Variants in FAM53B observed in about 807,000 individuals in gnomAD.
FAM53B encodes protein FAM53B.
Under a neutral mutation model 32.7 loss-of-function variants are expected in FAM53B, and 12 were observed. The observed-to-expected ratio is 0.37, with a 90% CI of 0.24 to 0.59. The LOEUF is 0.59. FAM53B is among the 20% of genes least tolerant of loss of function. The probability of loss-of-function intolerance (pLI) is 0.72; values close to 1 mark genes in which losing one functional copy is unlikely to be tolerated. For synonymous variants in FAM53B, 234 were observed against 228.7 expected (o/e 1.02, Z -0.21); for missense variants, 477 against 577.7 (o/e 0.83, Z 1.79).
chr10:124,714,493 G>A (rs1158854948), intron 1 of FAM53B, among the ~76,000 whole-genome samples: 1 of 152,166 alleles, frequency 6.6e-6, no homozygotes, highest in Non-Finnish European at 1.5e-5. Context: ...GGGCGTGGTG[G>A]CTCACGCCTG....
chr10:124,740,432 A>G (rs1028893709), intron 1 of FAM53B, among the ~76,000 whole-genome samples: 2 of 152,220 alleles, frequency 1.3e-5, no homozygotes, highest in Non-Finnish European at 2.9e-5. Flanking sequence ...GTCATTAATC[A>G]TGTTAATGTA....
At chr10:124,641,213 C>T (rs1007455806) in intron 4 of FAM53B, among the ~76,000 whole-genome samples, 2 of 152,228 alleles carry the variant, frequency 1.3e-5, no homozygotes, top group Non-Finnish European at 2.9e-5. Flanking sequence ...ACACATACCT[C>T]TTCCTCGATA....
chr10:124,674,943 G>C (rs531649174), intron 4 of FAM53B, among the ~76,000 whole-genome samples: 1 of 152,352 alleles, frequency 6.6e-6, no homozygotes, highest in Admixed American at 6.5e-5. Context: ...CTACTTCAGA[G>C]AGCCGGGGCC....
At chr10:124,706,379 G>A (rs148500824) in intron 2 of FAM53B, among the ~76,000 whole-genome samples, 96 of 152,314 alleles carry the variant, frequency 6.3e-4, no homozygotes, top group African/African-American at 2.2e-3. Context: ...CACACTTGCT[G>A]TTATTTACCA....
At chr10:124,669,581 G>A (rs1364588717) in intron 4 of FAM53B, among the ~76,000 whole-genome samples, 1 of 152,190 alleles carries the variant, frequency 6.6e-6, no homozygotes, top group East Asian at 1.9e-4. Context: ...TGGGCCAAAG[G>A]CTGGGAGCAG....
intron 2 of FAM53B, among the ~76,000 whole-genome samples, chr10:124,701,758 G>A (rs1286108814): frequency 1.3e-5 from 2 of 150,178 alleles, no homozygotes; most frequent in Non-Finnish European, 3.0e-5. Flanking sequence ...CGAAGCCAGG[G>A]CCATGGGCAC....
intron 2 of FAM53B, among the ~76,000 whole-genome samples, chr10:124,700,636 G>A (rs538171586): frequency 6.6e-6 from 1 of 152,308 alleles, no homozygotes; most frequent in Non-Finnish European, 1.5e-5. Context: ...TCAAATGGAG[G>A]CTTCAGGGCC....
chr10:124,620,985 C>A lies in FAM53B; in HGVS notation c.*2257G>T, dbSNP rs1024568914. The A allele has an allele frequency of 1.3e-5, 2 of 152,176 alleles. No individual in the cohort carries two copies. Among genetic ancestry groups the A allele is most frequent in the African/African-American group, 4.8e-5 (2 of 41,432 alleles). The allele number at this position is 152,176 out of a possible 1,614,324, so 9.4% of individuals were successfully genotyped here. A position where few individuals can be genotyped will look rare whatever the true frequency, so the allele number is the denominator to read the frequency against. ...CTCCACAGCTTGTCCCTTCCTGCCA[C>A]CAGGCCTGAATGGGGAGGTGGCAGG... On this transcript the variant is annotated 3_prime_UTR_variant, in exon 5 of 5. Transcript: ENST00000337318.
chr10:124,667,389 T>C (rs1169062661), intron 4 of FAM53B: 1 of 769,118 alleles, frequency 1.3e-6, no homozygotes, highest in East Asian at 2.4e-5. Flanking sequence ...GCCTGTAAAA[T>C]GGATAACGAT....
intron 3 of FAM53B, among the ~76,000 whole-genome samples, chr10:124,693,040 T>C (rs1428433257): frequency 6.6e-6 from 1 of 152,160 alleles, no homozygotes; most frequent in Non-Finnish European, 1.5e-5. Flanking sequence ...GTCCTTTATC[T>C]TCAGGAGACA....
chr10:124,626,423 G>C (rs1045769491), intron 4 of FAM53B, among the ~76,000 whole-genome samples: 3 of 143,490 alleles, frequency 2.1e-5, no homozygotes, highest in African/African-American at 7.7e-5. Flanking sequence ...AGTGCAAAAG[G>C]TGGGGCCTCT....
At chr10:124,741,822 T>G (rs368947140) in intron 1 of FAM53B, among the ~76,000 whole-genome samples, 3 of 152,214 alleles carry the variant, frequency 2.0e-5, no homozygotes, top group East Asian at 3.8e-4. Context: ...AAATGCTATG[T>G]GCAACATACC....
chr10:124,732,915 T>C lies in FAM53B; in HGVS notation c.-175+11098A>G, dbSNP rs953990701. On this transcript the variant is annotated intron_variant, in intron 1 of 4. Transcript: ENST00000337318. ...ATCACGTACTCTCCTGAGCCCAAGGTGTCTGATCTCCTCTCTGCTCCTACT... is the reference window on the plus strand; with the variant it reads ...ATCACGTACTCTCCTGAGCCCAAGGCGTCTGATCTCCTCTCTGCTCCTACT... Among the ~76,000 whole-genome samples, 6 of 152,184 alleles carry C rather than the reference T, an allele frequency of 3.9e-5. 1 individual carries two copies. In the South Asian group the frequency reaches 1.0e-3, roughly 26 times the overall value.
chr10:124,728,864 A>T (rs1026343069), intron 1 of FAM53B, among the ~76,000 whole-genome samples: 13 of 152,220 alleles, frequency 8.5e-5, no homozygotes, highest in African/African-American at 2.9e-4. Flanking sequence ...TCTCTTTGAA[A>T]CAGCAACATG....
chr10:124,683,517 A>T (rs1397951176), intron 3 of FAM53B, among the ~76,000 whole-genome samples: 1 of 152,216 alleles, frequency 6.6e-6, no homozygotes, highest in Non-Finnish European at 1.5e-5. Flanking sequence ...AGCAATGCAG[A>T]TCACTCACTG....
At position 124,623,528 on chromosome 10, in the gene FAM53B, C is replaced by T. The variant is rs575229007; in HGVS notation, c.983G>A (p.Arg328His). ...CCAGGCCCTGGTGTTGCTGACGTGG[C>T]GGGCGAAGGGGCTCTGGGGACCGCA... ...EDCGPQSPFA[R>H]HVSNTRAWTA... is the part of the protein sequence containing the mutation. The change falls in exon 5 of 5, where the codon CGC (arginine) becomes CAC (histidine). Residue 328 changes from arginine to histidine, a missense_variant. Around this residue, in one of 2 missense-constraint regions of FAM53B, gnomAD observed 165 missense variants for 157.5 expected, o/e 1.05. Transcript: ENST00000337318. 107 of 1,552,746 alleles carry T rather than the reference C, an allele frequency of 6.9e-5. No individual in the cohort carries two copies. In the East Asian group the frequency reaches 9.2e-4, roughly 13 times the overall value.
chr10:124,691,370 C>T (rs1487635954), intron 3 of FAM53B, among the ~76,000 whole-genome samples: 2 of 152,196 alleles, frequency 1.3e-5, no homozygotes, highest in Non-Finnish European at 2.9e-5. Context: ...CCTTTTTATA[C>T]ATAATGTATG....
At chr10:124,737,194 A>T (rs1426197516) in intron 1 of FAM53B, among the ~76,000 whole-genome samples, 5 of 152,220 alleles carry the variant, frequency 3.3e-5, no homozygotes, top group Non-Finnish European at 7.3e-5. Context: ...TGCAGCCCTG[A>T]GAAAAATAGC....
chr10:124,690,515 T>C (rs986985744), intron 3 of FAM53B, among the ~76,000 whole-genome samples: 5 of 152,364 alleles, frequency 3.3e-5, no homozygotes, highest in African/African-American at 1.2e-4. Context: ...TCTGGCACTA[T>C]TGTGGTCCCC....
Sources: gnomAD v4.1 joint callset for allele counts (sites outside exome capture counted in the v4.1 genomes callset) on GRCh38, gnomAD v4.1.1 for gene constraint, gnomAD v4.1.1 regional missense constraint, MANE v1.5 for transcripts, NCBI Gene and HGNC (gene_info 2026-07-23, HGNC 2026-07-21) for gene names.